The following SERAC1 variants were observed in gnomAD, a reference collection of about 807,000 sequenced individuals.
The protein encoded by SERAC1 is serine active site containing 1.
SERAC1 carries 36 observed loss-of-function variants against 85.7 expected under a neutral mutation model. The ratio of observed to expected loss-of-function variants is 0.42; its 90% CI spans 0.32 to 0.55. The LOEUF is 0.55. Ranked by LOEUF, SERAC1 falls within the 20% of genes least tolerant of loss-of-function variation. The pLI is 0.11. For synonymous variants in SERAC1, 242 were observed against 265.3 expected, an observed-to-expected ratio of 0.91 and a Z score of 0.85; for missense variants, 629 against 796.2, an observed-to-expected ratio of 0.79 and a Z score of 2.53.
chr6:158,141,516 C>T (rs777653521), intron 8 of SERAC1, among the ~76,000 whole-genome samples: 7 of 152,144 alleles, frequency 4.6e-5, no homozygotes, highest in Non-Finnish European at 7.3e-5. Context: ...TGTTCTGCTC[C>T]GTCACTTAGG....
chr6:158,112,969 C>A, intron 16 of SERAC1: 1 of 158,276 alleles, frequency 6.3e-6, no homozygotes, highest in Non-Finnish European at 1.4e-5. Context: ...TTCCCTCAAC[C>A]CCAGGATCAT....
At position 158,117,488 on chromosome 6, in the gene SERAC1, A is replaced by AGTT. The variant is rs1431598814; in HGVS notation, c.1403+236_1403+238dup. On this transcript the variant is annotated intron_variant, in intron 13 of 16. Transcript: ENST00000647468. This position sits in a 1 kb window ranked among gnomAD's most constrained non-coding sequence, Gnocchi z 4.3. Reference sequence around the variant, plus strand: ...ATCCACGATCCTTCACTATTAGAACAGTTGTAAATAAACCATGTTAGGAGC... The same window carrying AGTT: ...ATCCACGATCCTTCACTATTAGAACAGTTGTTGTAAATAAACCATGTTAGGAGC... 6.5e-6 allele frequency: 10 copies of AGTT among 1,545,986 alleles called. No individual in the cohort carries two copies. The highest frequency in any genetic ancestry group is 8.7e-7 in the Non-Finnish European group (1 of 1,143,956).
At chr6:158,142,363 C>A (rs1272553911) in intron 8 of SERAC1, among the ~76,000 whole-genome samples, 2 of 151,958 alleles carry the variant, frequency 1.3e-5, no homozygotes, top group South Asian at 4.2e-4. Flanking sequence ...GGGGGTCGCA[C>A]TGTGTTGCCC....
At chr6:158,164,856 CAT>C (rs1297185200) in intron 1 of SERAC1, among the ~76,000 whole-genome samples, 1 of 152,288 alleles carries the variant, frequency 6.6e-6, no homozygotes, top group African/African-American at 2.4e-5. Context: ...GTGGATGTGT[CAT>C]GTGCAATTTC....
intron 2 of SERAC1, among the ~76,000 whole-genome samples, chr6:158,156,899 G>A (rs12215362): frequency 0.013 from 1,172 of 87,616 alleles, 25 homozygotes; most frequent in East Asian, 0.027. Context: ...TATTTATATA[G>A]ATATTAATAT....
rs1374355441 is a variant in SERAC1 at position 158,119,278 on chromosome 6, A to G, written c.1167-108T>C. ...TGGTGCTTTAGCAGGCTTATGTGAC[A>G]TAAAACTGAATTAAAGCAAGCTCTA... On this transcript the variant is annotated intron_variant, in intron 11 of 16. Transcript: ENST00000647468. This position sits in a 1 kb window ranked among gnomAD's most constrained non-coding sequence, Gnocchi z 4.5. 4.6e-6 allele frequency: 6 copies of G among 1,305,054 alleles called. No homozygotes were observed. In the South Asian group the frequency reaches 9.9e-5, roughly 22 times the overall value. 80.8% of individuals were successfully genotyped at this position (1,305,054 alleles called of 1,614,324 possible).
intron 8 of SERAC1, among the ~76,000 whole-genome samples, chr6:158,141,302 C>T (rs1207147496): frequency 2.0e-5 from 3 of 152,116 alleles, no homozygotes; most frequent in African/African-American, 7.2e-5. Flanking sequence ...TGAGTGGTGA[C>T]AGCTAATGGT....
At chr6:158,131,858 T>C (rs1013125596) in intron 8 of SERAC1, among the ~76,000 whole-genome samples, 7 of 152,212 alleles carry the variant, frequency 4.6e-5, no homozygotes, top group Non-Finnish European at 8.8e-5. Flanking sequence ...TTAAATCAAT[T>C]ATGGTACAGT....
intron 1 of SERAC1, among the ~76,000 whole-genome samples, chr6:158,162,413 G>A (rs982468850): frequency 6.6e-6 from 1 of 152,056 alleles, no homozygotes; most frequent in African/African-American, 2.4e-5. Context: ...TCTTTTTGAT[G>A]TTCTTACAAT....
At chr6:158,154,922 G>C (rs1785291017) in intron 3 of SERAC1, among the ~76,000 whole-genome samples, 1 of 151,598 alleles carries the variant, frequency 6.6e-6, no homozygotes. Context: ...CCTGATTTAA[G>C]TGTGCCGGAG....
intron 8 of SERAC1, among the ~76,000 whole-genome samples, chr6:158,137,130 C>A (rs1276362997): frequency 6.6e-6 from 1 of 151,718 alleles, no homozygotes; most frequent in Non-Finnish European, 1.5e-5. Context: ...TGCACCCCAG[C>A]CTGGCAACAC....
chr6:158,118,618 C>CAA (rs576637812), intron 12 of SERAC1, among the ~76,000 whole-genome samples: 4,366 of 90,198 alleles, frequency 0.048, 153 homozygotes, highest in African/African-American at 0.092. Context: ...ACCCTCATCT[C>CAA]AAAAAAAAAA....
chr6:158,119,252 A>G lies in SERAC1; in HGVS notation c.1167-82T>C, dbSNP rs1784364620. On this transcript the variant is annotated intron_variant, in intron 11 of 16. Transcript: ENST00000647468. This position sits in a 1 kb window ranked among gnomAD's most constrained non-coding sequence, Gnocchi z 4.5. ...AGAATCTACACAGCATTCTCTGTGG[A>G]TGGTGCTTTAGCAGGCTTATGTGAC... 1.4e-6 allele frequency: 2 copies of G among 1,468,356 alleles called. No individual in the cohort carries two copies. The highest frequency in any genetic ancestry group is 1.4e-5 in the African/African-American group (1 of 71,224). The allele number at this position is 1,468,356 out of a possible 1,614,324, so 91.0% of individuals were successfully genotyped here. A position where few individuals can be genotyped will look rare whatever the true frequency, so the allele number is the denominator to read the frequency against.
In SERAC1 at chr6:158,113,484, A is replaced by C; in HGVS notation, c.1793T>G (p.Met598Arg). The part of the protein sequence containing the change: ...VETLPTYIGS[M>R]IKLHVVPVES... Reference sequence around the variant, plus strand: ...CACAGGTACCACATGGAGCTTAATCATGCTGCCAATGTAGGTTGGTAGTGT... The same window carrying C: ...CACAGGTACCACATGGAGCTTAATCCTGCTGCCAATGTAGGTTGGTAGTGT... The change falls in exon 16 of 17, where the codon ATG (methionine) becomes AGG (arginine). Residue 598 changes from methionine (M) to arginine (R), a missense_variant. Transcript: ENST00000647468. 6.2e-7 allele frequency: 1 copy of C among 1,614,110 alleles called. No individual in the cohort carries two copies. Among genetic ancestry groups the C allele is most frequent in the Non-Finnish European group, 8.5e-7 (1 of 1,179,976 alleles).
Position 158,155,315 on chromosome 6 carries a change from C to G in SERAC1, c.128G>C (p.Gly43Ala). 3.9e-6 allele frequency: 6 copies of G among 1,545,412 alleles called. No individual in the cohort carries two copies. The highest frequency in any genetic ancestry group is 5.4e-6 in the Non-Finnish European group (6 of 1,119,322). ...TAATATTCCACAGTTGACGACTTAC[C>G]CTAAAATAAGTGATCCAGTAAACTT... ...IIKFTGSLIL[G>A]GSLFLTYEVL... is the part of the protein sequence containing the mutation. Residue 43 changes from glycine (G) to alanine (A), a missense_variant and splice_region_variant, in exon 3 of 17, where the codon GGA becomes GCA. Transcript: ENST00000647468.
chr6:158,112,110 T>C (rs1391478004), intron 16 of SERAC1: 2 of 152,342 alleles, frequency 1.3e-5, no homozygotes, highest in Non-Finnish European at 2.9e-5. Context: ...AGCTGGTCCA[T>C]GATATTAACT....
Position 158,143,099 on chromosome 6 carries a change from G to C in SERAC1, c.695C>G (p.Ser232Cys). 6.2e-7 allele frequency: 1 copy of C among 1,613,252 alleles called. No individual in the cohort carries two copies. Among genetic ancestry groups the C allele is most frequent in the East Asian group, 2.2e-5 (1 of 44,848 alleles). The stretch of plus-strand genomic sequence containing the variant: ...CTGACTGCTTTCACTAAGAGCCAAA[G>C]ATGTAAAATACTGGATACACTCATC... Reference protein sequence around the residue: ...ELDECIQYFTSLALSESSQSL... With the variant: ...ELDECIQYFTCLALSESSQSL... Residue 232 changes from serine (S) to cysteine (C), a missense_variant, in exon 8 of 17, where the codon TCT (serine) becomes TGT (cysteine). Transcript: ENST00000647468.
intron 2 of SERAC1, among the ~76,000 whole-genome samples, chr6:158,156,128 G>A (rs996532147): frequency 1.1e-4 from 17 of 152,132 alleles, no homozygotes; most frequent in African/African-American, 4.1e-4. Flanking sequence ...CAGCCTGGTC[G>A]ACAGAGCAAG....
chr6:158,128,289 A>G lies in SERAC1; in HGVS notation c.853-19T>C, dbSNP rs1348533549. 1 of 1,612,428 alleles carries G rather than the reference A, an allele frequency of 6.2e-7. No individual in the cohort carries two copies. Among genetic ancestry groups the G allele is most frequent in the Non-Finnish European group, 8.5e-7 (1 of 1,179,306 alleles). On this transcript the variant is annotated intron_variant, in intron 9 of 16. Transcript: ENST00000647468. ...TGGATATCTGGCACAATAAATAAACAGAAGCTCCCTTGACATTGTACAAAT... is the reference window on the plus strand; with the variant it reads ...TGGATATCTGGCACAATAAATAAACGGAAGCTCCCTTGACATTGTACAAAT...
Sources: allele counts gnomAD v4.1 joint callset (sites outside exome capture counted in the v4.1 genomes callset), GRCh38; gene constraint gnomAD v4.1.1; non-coding constraint Gnocchi (gnomAD v3.1); transcripts MANE v1.5; gene names NCBI Gene and HGNC (gene_info 2026-07-23, HGNC 2026-07-21).